Variants in CADPS2 observed in about 807,000 individuals in gnomAD.
CADPS2 encodes calcium dependent secretion activator 2.
Under a neutral mutation model 172.5 loss-of-function variants are expected in CADPS2, and 93 were observed. That is an observed-to-expected ratio of 0.54 (90% confidence interval 0.46 to 0.64). The LOEUF is 0.64. Ranked by LOEUF, CADPS2 falls within the 30% of genes least tolerant of loss-of-function variation. The pLI, the probability that CADPS2 is intolerant of heterozygous loss-of-function variation, is 0.00. For missense variants in CADPS2, 1,420 were observed against 1,565.9 expected (o/e 0.91, Z 1.57); for synonymous variants, 546 against 555.2 (o/e 0.98, Z 0.23).
At chr7:122,423,644 A>G (rs899271695) in intron 17 of CADPS2, among the ~76,000 whole-genome samples, 3 of 152,210 alleles carry the variant, frequency 2.0e-5, no homozygotes, top group Non-Finnish European at 4.4e-5. Flanking sequence ...TGGTTCCACA[A>G]GTGTTGGACT....
chr7:122,501,622 G>A (rs1241095666), intron 9 of CADPS2, among the ~76,000 whole-genome samples: 1 of 151,940 alleles, frequency 6.6e-6, no homozygotes, highest in Non-Finnish European at 1.5e-5. Context: ...GGCCGAGGCA[G>A]GCAGATCACG....
chr7:122,325,594 A>G lies in CADPS2; in HGVS notation c.3613-13T>C. On this transcript the variant is annotated splice_polypyrimidine_tract_variant and intron_variant, in intron 28 of 29. Coordinates refer to ENST00000449022, the MANE Select transcript of CADPS2 (RefSeq NM_017954.11). ...TGCTGTACCATTGCTAGAAGGGAGA[A>G]TTGGGGCACAGGGGAGGAGAACAAA... 3 of 1,564,080 alleles carry G rather than the reference A, an allele frequency of 1.9e-6. No individual in the cohort carries two copies. Among genetic ancestry groups the G allele is most frequent in the East Asian group, 2.3e-5 (1 of 44,420 alleles).
At chr7:122,553,417 C>T (rs1009442664) in intron 8 of CADPS2, among the ~76,000 whole-genome samples, 3 of 152,150 alleles carry the variant, frequency 2.0e-5, no homozygotes, top group Admixed American at 6.6e-5. Context: ...TACATTACTA[C>T]ATTAAAGATG....
chr7:122,881,052 AAATGATAAAGAATTTTCCATTCAG>A (rs756286487), intron 1 of CADPS2, among the ~76,000 whole-genome samples: 15 of 152,228 alleles, frequency 9.9e-5, no homozygotes, highest in Non-Finnish European at 2.1e-4. Context: ...CCTCACTAGC[AAATGATAAAGAATTTTCCATTCAG>A]AATTCCCAGA....
intron 6 of CADPS2, among the ~76,000 whole-genome samples, chr7:122,596,587 T>C (rs2071830770): frequency 6.6e-6 from 1 of 152,144 alleles, no homozygotes; most frequent in South Asian, 2.1e-4. Flanking sequence ...ATGACCTTCA[T>C]TTTAAGACAG....
chr7:122,652,169 C>T (rs1331206664), intron 3 of CADPS2, among the ~76,000 whole-genome samples: 1 of 152,016 alleles, frequency 6.6e-6, no homozygotes, highest in East Asian at 1.9e-4. Flanking sequence ...TTTCTATAAA[C>T]CTTGCAAAAA....
intron 1 of CADPS2, among the ~76,000 whole-genome samples, chr7:122,877,561 A>G (rs893184193): frequency 1.3e-5 from 2 of 151,820 alleles, no homozygotes; most frequent in African/African-American, 4.8e-5. Context: ...AGTTAATTAC[A>G]AAAAAAAGCT....
chr7:122,589,780 T>A (rs185609037), intron 6 of CADPS2, among the ~76,000 whole-genome samples: 61 of 151,984 alleles, frequency 4.0e-4, no homozygotes, highest in Admixed American at 9.9e-4. Flanking sequence ...TGAATGAGCT[T>A]ATGAAGGGTG....
intron 19 of CADPS2, among the ~76,000 whole-genome samples, chr7:122,411,386 A>C (rs1272039722): frequency 6.6e-6 from 1 of 151,680 alleles, no homozygotes; most frequent in Non-Finnish European, 1.5e-5. Flanking sequence ...ATGCCCAGCT[A>C]ATTTTGTATT....
chr7:122,450,761 C>T (rs1000500829), intron 15 of CADPS2, among the ~76,000 whole-genome samples: 1 of 151,930 alleles, frequency 6.6e-6, no homozygotes, highest in South Asian at 2.1e-4. Context: ...TCTTGAACTC[C>T]TGGTCTCAAG....
At chr7:122,342,162 A>ACC (rs1330407451) in intron 28 of CADPS2, among the ~76,000 whole-genome samples, 1 of 152,138 alleles carries the variant, frequency 6.6e-6, no homozygotes, top group Admixed American at 6.5e-5. Flanking sequence ...TTCCTCTCTC[A>ACC]TACTTTGACA....
intron 8 of CADPS2, among the ~76,000 whole-genome samples, chr7:122,542,052 G>A (rs1344627536): frequency 6.6e-6 from 1 of 151,596 alleles, no homozygotes; most frequent in African/African-American, 2.4e-5. Flanking sequence ...CAGCTAAAAT[G>A]GACAGCTAAC....
rs567633712 is a variant in CADPS2, at chr7:122,708,965, G to A, written c.453+27990C>T. Among the ~76,000 whole-genome samples, 7 of 151,958 alleles carry A rather than the reference G, an allele frequency of 4.6e-5. No homozygotes were observed. The East Asian group carries it at 7.7e-4, about 17-fold the overall frequency. ...TAGTATAATTATTATCTTTGAGCTC[G>A]GAACAAAATGTATCTTCATATTAAC... is the stretch of plus-strand genomic sequence containing the variant. On this transcript the variant is annotated intron_variant, in intron 2 of 29. Coordinates refer to ENST00000449022, the MANE Select transcript of CADPS2 (RefSeq NM_017954.11).
chr7:122,478,237 A>T (rs1172962848), intron 12 of CADPS2, among the ~76,000 whole-genome samples: 1 of 152,248 alleles, frequency 6.6e-6, no homozygotes, highest in African/African-American at 2.4e-5. Context: ...ACAGAAAATT[A>T]TTCATGGTGT....
intron 11 of CADPS2, among the ~76,000 whole-genome samples, chr7:122,489,020 A>C (rs190097921): frequency 6.6e-4 from 101 of 152,270 alleles, no homozygotes; most frequent in African/African-American, 2.3e-3. Context: ...TTTACCTTTT[A>C]AGATGACAAT....
intron 9 of CADPS2, among the ~76,000 whole-genome samples, chr7:122,512,612 T>C (rs2060082733): frequency 6.6e-6 from 1 of 152,112 alleles, no homozygotes; most frequent in Non-Finnish European, 1.5e-5. Context: ...TAAAAACATA[T>C]TTATGTGAAC....
intron 7 of CADPS2, 62 bp from the exon 8 acceptor site, chr7:122,554,751 A>G: frequency 7.3e-7 from 1 of 1,363,336 alleles, no homozygotes; most frequent in Non-Finnish European, 9.7e-7. Flanking sequence ...GGTTGGAACT[A>G]AAATATTTTC....
At chr7:122,614,040 A>G (rs1253845536) in intron 6 of CADPS2, among the ~76,000 whole-genome samples, 6 of 152,034 alleles carry the variant, frequency 3.9e-5, no homozygotes, top group African/African-American at 9.7e-5. Flanking sequence ...CCAAGAAAGC[A>G]GCTATACAAA....
At chr7:122,394,396 C>G (rs994900034) in intron 20 of CADPS2, among the ~76,000 whole-genome samples, 2 of 152,106 alleles carry the variant, frequency 1.3e-5, no homozygotes, top group African/African-American at 4.8e-5. Flanking sequence ...TATATGAAAA[C>G]AGTAATGCTA....
Sources: gnomAD v4.1 joint callset for allele counts (sites outside exome capture counted in the v4.1 genomes callset) on GRCh38, gnomAD v4.1.1 for gene constraint, MANE v1.5 for transcripts, NCBI Gene and HGNC (gene_info 2026-07-23, HGNC 2026-07-21) for gene names.